Variants in MECOM observed in about 807,000 individuals in gnomAD.
MECOM encodes MDS1 and EVI1 complex locus.
In MECOM, 13 loss-of-function variants were observed where a neutral mutation model predicts 116.3. The ratio of observed to expected loss-of-function variants is 0.11; its 90% CI spans 0.07 to 0.18. The LOEUF is 0.18. Ranked by LOEUF, MECOM falls within the 10% of genes least tolerant of loss-of-function variation. MECOM has a pLI of 1.00. For missense variants in MECOM, 1,299 were observed against 1,509.0 expected, an observed-to-expected ratio of 0.86 and a Z score of 2.31; for synonymous variants, 528 against 535.2, an observed-to-expected ratio of 0.99 and a Z score of 0.19.
chr3:169,593,234 A>G (rs1017020717), intron 1 of MECOM, among the ~76,000 whole-genome samples: 1 of 152,204 alleles, frequency 6.6e-6, no homozygotes, highest in African/African-American at 2.4e-5. Flanking sequence ...ACAAACGCAG[A>G]AATGTTGTAG....
intron 1 of MECOM, among the ~76,000 whole-genome samples, chr3:169,617,785 G>A (rs1770200103): frequency 6.6e-6 from 1 of 152,140 alleles, no homozygotes; most frequent in Non-Finnish European, 1.5e-5. Context: ...AATTGTTTTA[G>A]CCAAAGAATG....
rs970383806 is a variant in MECOM at position 169,102,741 on chromosome 3, A to T, written c.2605-515T>A. On this transcript the variant is annotated intron_variant, in intron 10 of 16. Transcript: ENST00000651503. The stretch of plus-strand genomic sequence containing the variant: ...AAATATGGGTAACTCAGAAAGAAAA[A>T]ACTAAATGTATAGGAGGGTATTGCC... Among the ~76,000 whole-genome samples, 3 of 152,154 alleles carry T rather than the reference A, an allele frequency of 2.0e-5. No homozygotes were observed. The South Asian group carries it at 6.2e-4, about 32-fold the overall frequency.
chr3:169,204,989 C>T (rs1749705840), intron 2 of MECOM, among the ~76,000 whole-genome samples: 2 of 152,192 alleles, frequency 1.3e-5, no homozygotes, highest in South Asian at 4.1e-4. Flanking sequence ...GCTCAACTTG[C>T]TGATCTTAAA....
intron 1 of MECOM, among the ~76,000 whole-genome samples, chr3:169,452,640 T>C (rs992848892): frequency 3.3e-5 from 5 of 152,296 alleles, no homozygotes; most frequent in South Asian, 4.1e-4. Flanking sequence ...ACAACTAAAA[T>C]GCAGTTCTGC....
chr3:169,509,685 A>C (rs1447174635), intron 1 of MECOM, among the ~76,000 whole-genome samples: 1 of 152,204 alleles, frequency 6.6e-6, no homozygotes, highest in Non-Finnish European at 1.5e-5. Flanking sequence ...CATGTGTCAG[A>C]ATTTCTGTCC....
Position 169,093,837 on chromosome 3 carries a change from C to A in MECOM, c.3020-735G>T, listed in dbSNP as rs79254352. ...ATTAGCTTCCTGTTGTTTATCTTGC[C>A]TACAAAGTATCTGTAATATAATAGT... On this transcript the variant is annotated intron_variant, in intron 13 of 16. Coordinates refer to ENST00000651503, the MANE Select transcript of MECOM (RefSeq NM_004991.4). Among the ~76,000 whole-genome samples the A allele has an allele frequency of 6.8e-3, 1,034 of 152,206 alleles. 9 individuals carry two copies. Among genetic ancestry groups the A allele is most frequent in the African/African-American group, 0.024 (980 of 41,528 alleles).
Position 169,590,134 on chromosome 3 carries a change from T to C in MECOM, c.37+73202A>G, listed in dbSNP as rs114307163. Among the ~76,000 whole-genome samples the C allele has an allele frequency of 7.9e-3, 1,205 of 152,344 alleles. 22 individuals carry two copies. The highest frequency in any genetic ancestry group is 0.028 in the African/African-American group (1,151 of 41,576). On this transcript the variant is annotated intron_variant, in intron 1 of 16. Transcript: ENST00000651503. ...GGAGTTTGTTTTTGTTTTGGATTTCTATAAACAAGAAGGGAAAACAAACTC... is the reference window on the plus strand; with the variant it reads ...GGAGTTTGTTTTTGTTTTGGATTTCCATAAACAAGAAGGGAAAACAAACTC...
chr3:169,570,025 C>CA (rs1763691915), intron 1 of MECOM, among the ~76,000 whole-genome samples: 1 of 151,950 alleles, frequency 6.6e-6, no homozygotes, highest in African/African-American at 2.4e-5. Context: ...AAGAACCCTT[C>CA]AAAAAATCAA....
intron 2 of MECOM, among the ~76,000 whole-genome samples, chr3:169,275,969 A>T (rs1027810479): frequency 7.2e-5 from 11 of 152,212 alleles, no homozygotes; most frequent in African/African-American, 2.4e-5. Context: ...GCTCACTGGC[A>T]TATTTACTTC....
chr3:169,448,471 A>G (rs915022397), intron 1 of MECOM, among the ~76,000 whole-genome samples: 1 of 152,192 alleles, frequency 6.6e-6, no homozygotes, highest in Non-Finnish European at 1.5e-5. Flanking sequence ...AATTTATCCA[A>G]CTAGGGGTAA....
intron 1 of MECOM, among the ~76,000 whole-genome samples, chr3:169,584,643 C>T (rs1765571232): frequency 6.6e-6 from 1 of 151,866 alleles, no homozygotes; most frequent in Non-Finnish European, 1.5e-5. Context: ...AAGGAGGACA[C>T]TTAGACTTGT....
chr3:169,440,667 T>C (rs73879070), intron 1 of MECOM, among the ~76,000 whole-genome samples: 1,935 of 152,284 alleles, frequency 0.013, 40 homozygotes, highest in African/African-American at 0.044. Context: ...ATACTTGTAA[T>C]GAGACCTGTT....
chr3:169,196,642 A>G (rs925506496), intron 2 of MECOM, among the ~76,000 whole-genome samples: 4 of 152,076 alleles, frequency 2.6e-5, no homozygotes, highest in African/African-American at 9.7e-5. Flanking sequence ...CTAAATGGCT[A>G]TTATTAAAAG....
chr3:169,131,843 T>C, intron 3 of MECOM: 10 of 879,716 alleles, frequency 1.1e-5, no homozygotes, highest in Non-Finnish European at 1.3e-5. Flanking sequence ...CGAAGAACTT[T>C]CCCTTCTCTG....
intron 1 of MECOM, chr3:169,483,791 T>A: frequency 6.2e-7 from 1 of 1,611,322 alleles, no homozygotes; most frequent in Non-Finnish European, 8.5e-7. Context: ...TCTTCAAATA[T>A]TTTTTGGTGA....
intron 1 of MECOM, among the ~76,000 whole-genome samples, chr3:169,423,315 A>G (rs890918549): frequency 1.3e-5 from 2 of 151,930 alleles, no homozygotes; most frequent in Non-Finnish European, 2.9e-5. Flanking sequence ...GGTACTTTGC[A>G]TAAGCCAATT....
chr3:169,490,991 C>T (rs1753023003), intron 1 of MECOM, among the ~76,000 whole-genome samples: 1 of 151,860 alleles, frequency 6.6e-6, no homozygotes, highest in Admixed American at 6.6e-5. Flanking sequence ...CCAGAGTAAC[C>T]AAGACTATAG....
chr3:169,337,526 T>G (rs79442844), intron 2 of MECOM, among the ~76,000 whole-genome samples: 2,676 of 152,274 alleles, frequency 0.018, 63 homozygotes, highest in East Asian at 0.1. Context: ...CTGATGGCCC[T>G]GATACAAACC....
chr3:169,413,779 G>A (rs527890117), intron 1 of MECOM, among the ~76,000 whole-genome samples: 12 of 152,238 alleles, frequency 7.9e-5, no homozygotes, highest in East Asian at 3.9e-4. Context: ...AGGAGGTTTC[G>A]ATTGGGCACA....
Sources: gnomAD v4.1 joint callset for allele counts (sites outside exome capture counted in the v4.1 genomes callset) on GRCh38, gnomAD v4.1.1 for gene constraint, MANE v1.5 for transcripts, NCBI Gene and HGNC (gene_info 2026-07-23, HGNC 2026-07-21) for gene names.